The following TXN2 variants were observed in gnomAD, a reference collection of about 807,000 sequenced individuals.
TXN2 encodes the protein thioredoxin 2, also known as thioredoxin, mitochondrial.
In TXN2, 12 loss-of-function variants were observed where a neutral mutation model predicts 14.6. The ratio of observed to expected loss-of-function variants is 0.82; its 90% CI spans 0.53 to 1.33. The LOEUF is 1.33. Among genes scored for constraint, TXN2 ranks in the 40% most tolerant of loss-of-function variants. The pLI, the probability that TXN2 is intolerant of heterozygous loss-of-function variation, is 0.00. For missense variants in TXN2, 173 were observed against 207.7 expected (o/e 0.83, Z 1.03); for synonymous variants, 89 against 81.0 (o/e 1.10, Z -0.53).
intron 1 of TXN2, 46 bp from the exon 2 acceptor site, chr22:36,480,883 C>T (rs369613627): frequency 3.3e-6 from 5 of 1,506,936 alleles, no homozygotes; most frequent in Admixed American, 2.3e-5. Flanking sequence ...AAAAGGAAGT[C>T]GACACACTAG....
intron 2 of TXN2, among the ~76,000 whole-genome samples, chr22:36,478,880 G>A (rs375267846): frequency 2.5e-4 from 38 of 152,296 alleles, no homozygotes; most frequent in African/African-American, 8.7e-4. Flanking sequence ...TTTTAACTCG[G>A]GAGGTGGAGG....
chr22:36,474,367 G>A (rs1040675464), intron 3 of TXN2, among the ~76,000 whole-genome samples: 15 of 152,138 alleles, frequency 9.9e-5, no homozygotes, highest in African/African-American at 2.9e-4. Context: ...CACTCCCTGC[G>A]TAGCTCAAGG....
At chr22:36,468,628 G>A in intron 3 of TXN2, 2 of 448,792 alleles carry the variant, frequency 4.5e-6, no homozygotes, top group Non-Finnish European at 4.5e-6. Flanking sequence ...GGGAGGCTGA[G>A]GCAGGAGGAT....
intron 3 of TXN2, among the ~76,000 whole-genome samples, chr22:36,475,932 CCT>C (rs1260554026): frequency 6.6e-6 from 1 of 152,176 alleles, no homozygotes; most frequent in Non-Finnish European, 1.5e-5. Flanking sequence ...TGAAGCATTC[CCT>C]GTCCCCTCCA....
chr22:36,467,984 G>T, intron 3 of TXN2, 67 bp from the exon 4 acceptor site: 1 of 1,387,096 alleles, frequency 7.2e-7, no homozygotes, highest in South Asian at 1.2e-5. Context: ...CCACTCCTGA[G>T]CCTTTGTGGG....
chr22:36,472,735 G>T (rs191608185), intron 3 of TXN2, among the ~76,000 whole-genome samples: 1 of 152,124 alleles, frequency 6.6e-6, no homozygotes, highest in Non-Finnish European at 1.5e-5. Context: ...GCGGTGGAAC[G>T]GTTCTGTATG....
intron 3 of TXN2, among the ~76,000 whole-genome samples, chr22:36,475,223 C>T (rs1471898005): frequency 1.4e-5 from 1 of 70,366 alleles, no homozygotes; most frequent in African/African-American, 7.7e-5. Context: ...ACTAAAAATA[C>T]AAAAAATTAG....
chr22:36,480,931 C>A, intron 1 of TXN2, 94 bp from the exon 2 acceptor site: 1 of 1,363,182 alleles, frequency 7.3e-7, no homozygotes, highest in Non-Finnish European at 9.7e-7. Context: ...CAGGAAGAGG[C>A]AGAGTTGGAA....
rs1268471809 is a variant in TXN2, at chr22:36,480,588, C to G, written c.250G>C (p.Asp84His). ...VVNSETPVVV[D>H]FHAQWCGPCK... is the part of the protein sequence containing the mutation. ...CCCAATACTCACTGTGCGTGGAAATCCACAACCACTGGTGTCTCACTGTTG... is the reference window on the plus strand; with the variant it reads ...CCCAATACTCACTGTGCGTGGAAATGCACAACCACTGGTGTCTCACTGTTG... The change falls in exon 2 of 4, where the codon GAT becomes CAT. Residue 84 changes from aspartate to histidine, a missense_variant. Physicochemically the swap from Asp to His is moderately conservative, Grantham distance 81 (BLOSUM62 -1). Coordinates refer to ENST00000216185, the MANE Select transcript of TXN2 (RefSeq NM_012473.4). 3 of 1,613,658 alleles carry G rather than the reference C, an allele frequency of 1.9e-6. No individual in the cohort carries two copies. The highest frequency in any genetic ancestry group is 1.7e-5 in the Admixed American group (1 of 60,008).
chr22:36,477,831 AGCT>A (rs138888539), intron 2 of TXN2, among the ~76,000 whole-genome samples: 65 of 152,224 alleles, frequency 4.3e-4, no homozygotes, highest in African/African-American at 1.4e-3. Context: ...CACAACCCAA[AGCT>A]GTGTTGAAAG....
chr22:36,480,954 G>A (rs1363851229), intron 1 of TXN2, 117 bp from the exon 2 acceptor site: 3 of 1,124,430 alleles, frequency 2.7e-6, no homozygotes, highest in Non-Finnish European at 3.6e-6. Flanking sequence ...AAAATGCAAG[G>A]AAATCATATG....
chr22:36,478,994 G>A (rs1412402272), intron 2 of TXN2, among the ~76,000 whole-genome samples: 2 of 152,034 alleles, frequency 1.3e-5, no homozygotes, highest in Non-Finnish European at 2.9e-5. Context: ...TGGCGCAGTG[G>A]TTCATGCCTG....
chr22:36,468,570 C>G (rs1645163888), intron 3 of TXN2: 16 of 357,142 alleles, frequency 4.5e-5, no homozygotes, highest in Admixed American at 2.4e-4. Flanking sequence ...CTAAACCCCC[C>G]CAAAATATTA....
chr22:36,467,938 G>T, intron 3 of TXN2, 21 bp from the exon 4 acceptor site: 1 of 1,602,018 alleles, frequency 6.2e-7, no homozygotes, highest in East Asian at 2.2e-5. Context: ...AGGACAAGGG[G>T]GTCCAAGTGA....
At chr22:36,476,966 T>C in intron 2 of TXN2, 110 bp from the exon 3 acceptor site, 1 of 1,508,490 alleles carries the variant, frequency 6.6e-7, no homozygotes, top group African/African-American at 1.4e-5. Flanking sequence ...TTATTATCTC[T>C]GTTTACCATG....
chr22:36,467,764 G>T lies in TXN2; in HGVS notation c.*40C>A. 1 of 1,529,838 alleles carries T rather than the reference G, an allele frequency of 6.5e-7. No homozygotes were observed. The highest frequency in any genetic ancestry group is 1.1e-5 in the South Asian group (1 of 89,330). The allele number at this position is 1,529,838 out of a possible 1,614,324, so 94.8% of individuals were successfully genotyped here. A position where few individuals can be genotyped will look rare whatever the true frequency, so the allele number is the denominator to read the frequency against. On this transcript the variant is annotated 3_prime_UTR_variant, in exon 4 of 4. Coordinates refer to ENST00000216185, the MANE Select transcript of TXN2 (RefSeq NM_012473.4). ...CATGGAAGGGCTGAGTTCTATTGGGGTCCCACGCGGGCAAGGGAACCAGGA... is the reference window on the plus strand; with the variant it reads ...CATGGAAGGGCTGAGTTCTATTGGGTTCCCACGCGGGCAAGGGAACCAGGA...
At chr22:36,470,868 T>TGCTGGTGTCAGGTAGACA (rs1010784568) in intron 3 of TXN2, among the ~76,000 whole-genome samples, 1 of 151,932 alleles carries the variant, frequency 6.6e-6, no homozygotes, top group Non-Finnish European at 1.5e-5. Flanking sequence ...GCACAGACCC[T>TGCTGGTGTCAGGTAGACA]GCTGGTGTCA....
chr22:36,477,157 G>T (rs1425487452), intron 2 of TXN2, among the ~76,000 whole-genome samples: 1 of 152,178 alleles, frequency 6.6e-6, no homozygotes, highest in Non-Finnish European at 1.5e-5. Flanking sequence ...AAGTTAAAAG[G>T]TTCAAACAGA....
At chr22:36,473,286 T>C (rs1568977040) in intron 3 of TXN2, among the ~76,000 whole-genome samples, 1 of 152,006 alleles carries the variant, frequency 6.6e-6, no homozygotes, top group African/African-American at 2.4e-5. Context: ...CTATTAAAAC[T>C]ACAAAAATTA....
Sources: gnomAD v4.1 joint callset for allele counts (sites outside exome capture counted in the v4.1 genomes callset) on GRCh38, gnomAD v4.1.1 for gene constraint, MANE v1.5 for transcripts, NCBI Gene and HGNC (gene_info 2026-07-23, HGNC 2026-07-21) for gene names.